ATF6B: variants seen among roughly 807,000 people sequenced by gnomAD.
ATF6B encodes the protein cyclic AMP-dependent transcription factor ATF-6 beta.
In ATF6B, 50 loss-of-function variants were observed where a neutral mutation model predicts 83.5. The observed-to-expected ratio is 0.60, with a 90% CI of 0.48 to 0.76. ATF6B has a LOEUF of 0.76. Among genes scored for constraint, ATF6B ranks in the 30% least tolerant of loss-of-function variants. The probability of loss-of-function intolerance (pLI) is 0.00; values close to 1 mark genes in which losing one functional copy is unlikely to be tolerated. For synonymous variants in ATF6B, 344 were observed against 362.8 expected (o/e 0.95, Z 0.59); for missense variants, 790 against 893.8 (o/e 0.88, Z 1.48).
Position 32,128,224 on chromosome 6 carries a change from C to G in ATF6B, c.-17G>C, listed in dbSNP as rs3130288. 2.5e-6 allele frequency: 4 copies of G among 1,604,544 alleles called. No individual in the cohort carries two copies. Among genetic ancestry groups the G allele is most frequent in the East Asian group, 2.2e-5 (1 of 44,590 alleles). ...CTCCGCCATCTTTCCCCCCCACCCC[C>G]CAACCAGGAGACGGTTCCCAAGGCC... is the stretch of plus-strand genomic sequence containing the variant. On this transcript the variant is annotated 5_prime_UTR_variant, in exon 1 of 18. Coordinates refer to ENST00000375203, the MANE Select transcript of ATF6B (RefSeq NM_004381.5).
In ATF6B at chr6:32,116,016, G is replaced by C; in HGVS notation, c.1883-48C>G. On this transcript the variant is annotated intron_variant, in intron 17 of 17. Transcript: ENST00000375203. The surrounding 1 kb of genome is among the most constrained non-coding windows in gnomAD (Gnocchi z 5.1). ...GAAGAGGAGATGGGGAGGCAAACAG[G>C]GATTGCAGGGAGGAGGGGAGGAGGT... 1 of 1,469,756 alleles carries C rather than the reference G, an allele frequency of 6.8e-7. No homozygotes were observed. The highest frequency in any genetic ancestry group is 9.4e-7 in the Non-Finnish European group (1 of 1,061,878). The allele number at this position is 1,469,756 out of a possible 1,614,324, so 91.0% of individuals were successfully genotyped here.
Position 32,117,442 on chromosome 6 carries a change from C to T in ATF6B, c.1533-38G>A. On this transcript the variant is annotated intron_variant, in intron 13 of 17. Coordinates refer to ENST00000375203, the MANE Select transcript of ATF6B (RefSeq NM_004381.5). This position sits in a 1 kb window ranked among gnomAD's most constrained non-coding sequence, Gnocchi z 5.0. ...AGGAGCTCAGGACCTCCATGCCAGG[C>T]CAAGATTCCCACCCTCCTTGCCCAC... 6.2e-7 allele frequency: 1 copy of T among 1,609,450 alleles called. No homozygotes were observed. Among genetic ancestry groups the T allele is most frequent in the Non-Finnish European group, 8.5e-7 (1 of 1,177,342 alleles).
Position 32,116,937 on chromosome 6 carries a change from C to T in ATF6B, c.1685+100G>A. On this transcript the variant is annotated intron_variant, in intron 15 of 17. Coordinates refer to ENST00000375203, the MANE Select transcript of ATF6B (RefSeq NM_004381.5). This position sits in a 1 kb window ranked among gnomAD's most constrained non-coding sequence, Gnocchi z 5.1. ...CCCAGTGGAGGAGGGAGGTATAATC[C>T]CACTGGTGACAGTAATGACAGGCAC... 1 of 1,530,774 alleles carries T rather than the reference C, an allele frequency of 6.5e-7. No homozygotes were observed. The highest frequency in any genetic ancestry group is 1.7e-5 in the Admixed American group (1 of 58,968). The allele number at this position is 1,530,774 out of a possible 1,614,324, so 94.8% of individuals were successfully genotyped here.
intron 5 of ATF6B, among the ~76,000 whole-genome samples, chr6:32,122,573 G>A (rs1370341626): frequency 6.6e-6 from 1 of 152,164 alleles, no homozygotes; most frequent in African/African-American, 2.4e-5. Context: ...TCTTGGCGGG[G>A]CACGGTGGCT....
Position 32,121,109 on chromosome 6 carries a change from C to CCT in ATF6B, c.578_579dup (p.Glu194ArgfsTer6). 6.3e-7 allele frequency: 1 copy of CCT among 1,575,910 alleles called. No homozygotes were observed. The highest frequency in any genetic ancestry group is 1.4e-5 in the African/African-American group (1 of 73,738). On this transcript the variant is annotated frameshift_variant, in exon 7 of 18. Coordinates refer to ENST00000375203, the MANE Select transcript of ATF6B (RefSeq NM_004381.5). LOFTEE classifies it high-confidence loss of function. ...GACTCTGTCTTCACTTCCAGGACCT[C>CCT]CTCTCCTATAAAAGCCTATGTGGGG...
In ATF6B at chr6:32,116,379, G is replaced by A; in HGVS notation, c.1882+101C>T. ...CTGCTGCTTCTCACCTGTGGGTCCA[G>A]CAGCTCTCTGGATGCCCTGCTCCTC... On this transcript the variant is annotated intron_variant, in intron 17 of 17. Transcript: ENST00000375203. This position sits in a 1 kb window ranked among gnomAD's most constrained non-coding sequence, Gnocchi z 5.1. 3 of 1,149,280 alleles carry A rather than the reference G, an allele frequency of 2.6e-6. No individual in the cohort carries two copies. Among genetic ancestry groups the A allele is most frequent in the Non-Finnish European group, 3.7e-6 (3 of 810,060 alleles). 71.2% of individuals were successfully genotyped at this position (1,149,280 alleles called of 1,614,324 possible). A position where few individuals can be genotyped will look rare whatever the true frequency, so the allele number is the denominator to read the frequency against.
At position 32,117,960 on chromosome 6, in the gene ATF6B, C is replaced by T; in HGVS notation, c.1323G>A (p.Gly441=). 1 of 1,613,518 alleles carries T rather than the reference C, an allele frequency of 6.2e-7. No homozygotes were observed. The highest frequency in any genetic ancestry group is 8.5e-7 in the Non-Finnish European group (1 of 1,179,724). The change falls in exon 12 of 18, where the codon GGG becomes GGA. Residue 441 remains glycine (G), a synonymous_variant. Transcript: ENST00000375203. The surrounding 1 kb of genome is among the most constrained non-coding windows in gnomAD (Gnocchi z 5.0). Reference sequence around the variant, plus strand: ...CCTGAACTGGCTCTTGCTCTGAGAACCCCAGCAAGTGTCTCCGGGGTTGAG... The same window carrying T: ...CCTGAACTGGCTCTTGCTCTGAGAATCCCAGCAAGTGTCTCCGGGGTTGAG... The part of the protein sequence containing the change: ...GEPQPRRHLL[G]FSEQEPVQGV...
At position 32,117,656 on chromosome 6, in the gene ATF6B, AGTAGCTCCTT is replaced by A; in HGVS notation, c.1453_1462del (p.Lys485TyrfsTer2). On this transcript the variant is annotated frameshift_variant, in exon 13 of 18. Coordinates refer to ENST00000375203, the MANE Select transcript of ATF6B (RefSeq NM_004381.5). LOFTEE classifies it high-confidence loss of function. The surrounding 1 kb of genome is among the most constrained non-coding windows in gnomAD (Gnocchi z 5.0). ...GAAGAGCTGGTCTAGGTCTCTTAGTAGTAGCTCCTTGGCGCCCCCAGGGAAGGCTGTCAGG... is the reference window on the plus strand; with the variant it reads ...GAAGAGCTGGTCTAGGTCTCTTAGTAGGCGCCCCCAGGGAAGGCTGTCAGG... The A allele has an allele frequency of 1.2e-6, 2 of 1,614,208 alleles. No homozygotes were observed. Among genetic ancestry groups the A allele is most frequent in the Non-Finnish European group, 1.7e-6 (2 of 1,180,026 alleles).
chr6:32,117,681 A>G lies in ATF6B; in HGVS notation c.1438T>C (p.Phe480Leu). 1 of 1,614,048 alleles carries G rather than the reference A, an allele frequency of 6.2e-7. No individual in the cohort carries two copies. The change falls in exon 13 of 18, where the codon TTC becomes CTC. Residue 480 changes from phenylalanine (F) to leucine (L), a missense_variant. By Grantham distance (22) the Phe-to-Leu change is conservative. Transcript: ENST00000375203. The surrounding 1 kb of genome is among the most constrained non-coding windows in gnomAD (Gnocchi z 5.0). ...AGTAGCTCCTTGGCGCCCCCAGGGA[A>G]GGCTGTCAGGTTGCTGGAGTGAAGC... ...DQPSFSNLTA[F>L]PGGAKELLLR...
In ATF6B at chr6:32,117,534, A is replaced by G. The variant is rs756981953; in HGVS notation, c.1532+53T>C. The G allele has an allele frequency of 5.0e-6, 8 of 1,599,572 alleles. No homozygotes were observed. The highest frequency in any genetic ancestry group is 6.8e-6 in the Non-Finnish European group (8 of 1,169,586). On this transcript the variant is annotated intron_variant, in intron 13 of 17. Transcript: ENST00000375203. This position sits in a 1 kb window ranked among gnomAD's most constrained non-coding sequence, Gnocchi z 5.0. ...TACACAGGCCAGCCAGGCTGACTGC[A>G]GAAGGCCTTGGGAGGCCGGGGGAGC...
chr6:32,119,731 C>G lies in ATF6B; in HGVS notation c.966+93G>C. The G allele has an allele frequency of 3.3e-6, 5 of 1,529,250 alleles. No homozygotes were observed. The highest frequency in any genetic ancestry group is 3.5e-6 in the Non-Finnish European group (4 of 1,131,542). The allele number at this position is 1,529,250 out of a possible 1,614,324, so 94.7% of individuals were successfully genotyped here. A position where few individuals can be genotyped will look rare whatever the true frequency, so the allele number is the denominator to read the frequency against. ...TTCCTCACTTTTTTCTCCTAGGTAT[C>G]GACTCCCTCCTCATCCCACAGTTCT... On this transcript the variant is annotated intron_variant, in intron 9 of 17. Transcript: ENST00000375203. This position sits in a 1 kb window ranked among gnomAD's most constrained non-coding sequence, Gnocchi z 4.9.
intron 5 of ATF6B, among the ~76,000 whole-genome samples, chr6:32,121,606 C>A (rs1781771410): frequency 6.6e-6 from 1 of 152,164 alleles, no homozygotes; most frequent in Non-Finnish European, 1.5e-5. Context: ...GAGGCTGAGG[C>A]AGGAGAATCG....
Position 32,118,746 on chromosome 6 carries a change from A to G in ATF6B, c.1244+29T>C. On this transcript the variant is annotated intron_variant, in intron 11 of 17. Coordinates refer to ENST00000375203, the MANE Select transcript of ATF6B (RefSeq NM_004381.5). This position sits in a 1 kb window ranked among gnomAD's most constrained non-coding sequence, Gnocchi z 5.2. The stretch of plus-strand genomic sequence containing the variant: ...GGCTGTAACGTGGGCTCCACCTGGA[A>G]GGTTCTAGTGAAGCAAGGAAGGTCT... 1 of 1,607,294 alleles carries G rather than the reference A, an allele frequency of 6.2e-7. No individual in the cohort carries two copies. The highest frequency in any genetic ancestry group is 1.7e-4 in the Middle Eastern group (1 of 6,056).
rs142646433 is a variant in ATF6B at position 32,115,913 on chromosome 6, C to T, written c.1938G>A (p.Glu646=). 190 of 1,614,160 alleles carry T rather than the reference C, an allele frequency of 1.2e-4. No individual in the cohort carries two copies. The African/African-American group carries it at 1.7e-3, about 14-fold the overall frequency. The stretch of plus-strand genomic sequence containing the variant: ...TCACCCTGGTGTCCATGACCTCACA[C>T]TCGATCTGCATCATCTCCTCATAGT... ...PGDYEEMMQI[E]CEVMDTRVIH... is the part of the protein sequence containing the mutation. Residue 646 remains glutamate (E), a synonymous_variant, in exon 18 of 18, where the codon GAG becomes GAA. Transcript: ENST00000375203.
chr6:32,118,467 G>C lies in ATF6B; in HGVS notation c.1244+308C>G, dbSNP rs1781620231. Among the ~76,000 whole-genome samples, 1 of 152,180 alleles carries C rather than the reference G, an allele frequency of 6.6e-6. No individual in the cohort carries two copies. Among genetic ancestry groups the C allele is most frequent in the African/African-American group, 2.4e-5 (1 of 41,450 alleles). ...AAAAATTAGCCGGGCATGGTGGCGTGCGCCTGTAGTCCCAGCTACTTGGGA... is the reference window on the plus strand; with the variant it reads ...AAAAATTAGCCGGGCATGGTGGCGTCCGCCTGTAGTCCCAGCTACTTGGGA... On this transcript the variant is annotated intron_variant, in intron 11 of 17. Coordinates refer to ENST00000375203, the MANE Select transcript of ATF6B (RefSeq NM_004381.5). The surrounding 1 kb of genome is among the most constrained non-coding windows in gnomAD (Gnocchi z 5.2).
intron 2 of ATF6B, 26 bp from the exon 3 acceptor site, chr6:32,127,546 C>A: frequency 6.2e-7 from 1 of 1,610,992 alleles, no homozygotes; most frequent in African/African-American, 1.3e-5. Context: ...TACAAGAGGG[C>A]AGGAGTGTGA....
At chr6:32,127,889 C>A in intron 1 of ATF6B, 139 bp from the exon 2 acceptor site, 1 of 1,049,166 alleles carries the variant, frequency 9.5e-7, no homozygotes, top group Non-Finnish European at 1.4e-6. Flanking sequence ...ACAACCAGGG[C>A]GCTTCAGCCC....
rs1275508122 is a variant in ATF6B, at chr6:32,125,247, T to C, written c.478+870A>G. 6.6e-6 allele frequency among the ~76,000 whole-genome samples: 1 copy of C among 152,228 alleles called. No homozygotes were observed. Among genetic ancestry groups the C allele is most frequent in the East Asian group, 1.9e-4 (1 of 5,202 alleles). On this transcript the variant is annotated intron_variant, in intron 5 of 17. Transcript: ENST00000375203. This position sits in a 1 kb window ranked among gnomAD's most constrained non-coding sequence, Gnocchi z 4.1. The stretch of plus-strand genomic sequence containing the variant: ...CATGGTGGTCAGGTCTTGTTCATCT[T>C]TGCATTCCCAGCATGCTGCTCAGTA...
At position 32,116,912 on chromosome 6, in the gene ATF6B, C is replaced by T; in HGVS notation, c.1686-97G>A. On this transcript the variant is annotated intron_variant, in intron 15 of 17. Coordinates refer to ENST00000375203, the MANE Select transcript of ATF6B (RefSeq NM_004381.5). The surrounding 1 kb of genome is among the most constrained non-coding windows in gnomAD (Gnocchi z 5.1). ...GGATGAGAGAAAAAGACAGGAGACC[C>T]CCAGTGGAGGAGGGAGGTATAATCC... 19 of 1,523,584 alleles carry T rather than the reference C, an allele frequency of 1.2e-5. No homozygotes were observed. Among genetic ancestry groups the T allele is most frequent in the Non-Finnish European group, 1.6e-5 (18 of 1,100,636 alleles). 94.4% of individuals were successfully genotyped at this position (1,523,584 alleles called of 1,614,324 possible). A position where few individuals can be genotyped will look rare whatever the true frequency, so the allele number is the denominator to read the frequency against.
Sources: gnomAD v4.1 joint callset for allele counts (sites outside exome capture counted in the v4.1 genomes callset) on GRCh38, gnomAD v4.1.1 for gene constraint, Gnocchi (gnomAD v3.1) non-coding constraint, MANE v1.5 for transcripts, NCBI Gene and HGNC (gene_info 2026-07-23, HGNC 2026-07-21) for gene names.